The following SEC63 variants were observed in gnomAD, a reference collection of about 807,000 sequenced individuals.
SEC63 encodes the protein SEC63 protein translocation regulator.
Under a neutral mutation model 116.2 loss-of-function variants are expected in SEC63, and 56 were observed. The ratio of observed to expected loss-of-function variants is 0.48; its 90% CI spans 0.39 to 0.60. The LOEUF is 0.60. Among genes scored for constraint, SEC63 ranks in the 20% least tolerant of loss-of-function variants. The pLI is 0.00. For missense variants in SEC63, 668 were observed against 900.0 expected (o/e 0.74, Z 3.30); for synonymous variants, 273 against 294.6 (o/e 0.93, Z 0.75).
chr6:107,877,433 GTTT>G (rs778246846), intron 18 of SEC63: 1 of 151,912 alleles, frequency 6.6e-6, no homozygotes. Context: ...GAAAACGTGG[GTTT>G]TTTTGGTTTT....
intron 1 of SEC63, among the ~76,000 whole-genome samples, chr6:107,936,206 G>A (rs1263226533): frequency 6.6e-6 from 1 of 152,216 alleles, no homozygotes; most frequent in African/African-American, 2.4e-5. Flanking sequence ...CACAATGTGT[G>A]CATGGACCTT....
intron 19 of SEC63, among the ~76,000 whole-genome samples, chr6:107,876,312 C>A (rs533151253): frequency 6.6e-6 from 1 of 152,184 alleles, no homozygotes; most frequent in East Asian, 1.9e-4. Flanking sequence ...TTCTTAGACA[C>A]TAACAGTGAA....
At chr6:107,929,260 T>A (rs1787743848) in intron 2 of SEC63, among the ~76,000 whole-genome samples, 155 bp downstream of exon 2, 1 of 152,212 alleles carries the variant, frequency 6.6e-6, no homozygotes, top group African/African-American at 2.4e-5. Context: ...ACCAATCTGT[T>A]CAGACTGTTC....
chr6:107,918,205 T>C (rs1426134585), intron 4 of SEC63, among the ~76,000 whole-genome samples: 2 of 150,660 alleles, frequency 1.3e-5, no homozygotes, highest in Non-Finnish European at 2.9e-5. Flanking sequence ...GTTGACAGCA[T>C]GGATTACTGA....
Position 107,901,595 on chromosome 6 carries a change from T to A in SEC63, c.1210-78A>T, listed in dbSNP as rs186875276. On this transcript the variant is annotated intron_variant, in intron 12 of 20. Coordinates refer to ENST00000369002, the MANE Select transcript of SEC63 (RefSeq NM_007214.5). Reference sequence around the variant, plus strand: ...CATAAAAAGAAAATTACTCACATGTTAACCACAACAAAATCCAGCAACTTT... The same window carrying A: ...CATAAAAAGAAAATTACTCACATGTAAACCACAACAAAATCCAGCAACTTT... The A allele has an allele frequency of 9.6e-4, 999 of 1,043,866 alleles. 6 individuals are homozygous for A. The African/African-American group carries it at 0.015, about 15-fold the overall frequency. 64.7% of individuals were successfully genotyped at this position (1,043,866 alleles called of 1,614,324 possible). A position where few individuals can be genotyped will look rare whatever the true frequency, so the allele number is the denominator to read the frequency against.
intron 1 of SEC63, 89 bp downstream of exon 1, chr6:107,957,797 G>T: frequency 7.7e-7 from 1 of 1,293,474 alleles, no homozygotes. Context: ...CGGACGCCGC[G>T]GGCTGGGGCC....
intron 1 of SEC63, among the ~76,000 whole-genome samples, chr6:107,934,911 G>A (rs1176743149): frequency 3.2e-5 from 1 of 30,842 alleles, no homozygotes; most frequent in Admixed American, 3.5e-4. Context: ...TCAGCCCCCC[G>A]CCAGGCCAGC....
Position 107,882,871 on chromosome 6 carries a change from T to C in SEC63, c.1833+117A>G. ...GTAATAAAATTATAAAATATACAGA[T>C]ATTATTTAAAGAAAGCAAGCGAGCA... On this transcript the variant is annotated intron_variant, in intron 17 of 20. Transcript: ENST00000369002. The C allele has an allele frequency of 6.0e-6, 4 of 669,588 alleles. No individual in the cohort carries two copies. The South Asian group carries it at 7.3e-5, about 12-fold the overall frequency. 41.5% of individuals were successfully genotyped at this position (669,588 alleles called of 1,614,324 possible). A position where few individuals can be genotyped will look rare whatever the true frequency, so the allele number is the denominator to read the frequency against.
chr6:107,898,974 C>T (rs184048534), intron 13 of SEC63, among the ~76,000 whole-genome samples: 51 of 152,314 alleles, frequency 3.3e-4, no homozygotes, highest in Non-Finnish European at 4.7e-4. Context: ...TATGGTATCC[C>T]TTCTTCACCC....
intron 20 of SEC63, 93 bp downstream of exon 20, chr6:107,872,715 C>T (rs373132799): frequency 4.2e-5 from 33 of 787,634 alleles, no homozygotes; most frequent in East Asian, 4.1e-4. Flanking sequence ...TTTTTCCTTC[C>T]ATAACTCTAC....
chr6:107,871,872 C>T, intron 20 of SEC63, 25 bp from the exon 21 acceptor site: 1 of 1,611,866 alleles, frequency 6.2e-7, no homozygotes, highest in Non-Finnish European at 8.5e-7. Flanking sequence ...TAAATGTAGA[C>T]ATCAGAAATT....
At chr6:107,878,277 C>A (rs889816843) in intron 18 of SEC63, among the ~76,000 whole-genome samples, 2 of 152,126 alleles carry the variant, frequency 1.3e-5, no homozygotes, top group Non-Finnish European at 2.9e-5. Flanking sequence ...CTACTTCTGG[C>A]CATGTTGTAA....
At chr6:107,926,956 G>A (rs1034743490) in intron 2 of SEC63, among the ~76,000 whole-genome samples, 3 of 152,100 alleles carry the variant, frequency 2.0e-5, no homozygotes, top group African/African-American at 7.2e-5. Flanking sequence ...GAAACATAAC[G>A]GATCACATCA....
intron 16 of SEC63, among the ~76,000 whole-genome samples, chr6:107,887,515 G>GC (rs1175111668): frequency 1.4e-5 from 2 of 146,976 alleles, no homozygotes; most frequent in Non-Finnish European, 3.0e-5. Context: ...ACCAAACACC[G>GC]CATATTCTCA....
chr6:107,923,824 T>C (rs954615911), intron 3 of SEC63, among the ~76,000 whole-genome samples: 1 of 152,058 alleles, frequency 6.6e-6, no homozygotes, highest in African/African-American at 2.4e-5. Context: ...CTGGCTGATA[T>C]TAGTTCTTTC....
chr6:107,885,880 T>TA (rs1178928483), intron 16 of SEC63, among the ~76,000 whole-genome samples: 1 of 152,136 alleles, frequency 6.6e-6, no homozygotes, highest in Non-Finnish European at 1.5e-5. Context: ...AAATTATACT[T>TA]AAAGTTCTGG....
chr6:107,894,296 C>A (rs1200749661), intron 14 of SEC63, among the ~76,000 whole-genome samples: 2 of 151,984 alleles, frequency 1.3e-5, no homozygotes, highest in Non-Finnish European at 1.5e-5. Flanking sequence ...ATAACAACAA[C>A]AAAAAAACCC....
Position 107,923,986 on chromosome 6 carries a change from T to C in SEC63, c.339+832A>G, listed in dbSNP as rs558625405. Among the ~76,000 whole-genome samples the C allele has an allele frequency of 5.9e-5, 9 of 152,264 alleles. No individual in the cohort carries two copies. In the East Asian group the frequency reaches 9.7e-4, roughly 16 times the overall value. On this transcript the variant is annotated intron_variant, in intron 3 of 20. Transcript: ENST00000369002. ...CTCTCTTAAAAATATGCCTTTAGGC[T>C]GGGCACGGTGGCTCACGCCTGTAAT...
chr6:107,927,268 G>A (rs1209894081), intron 2 of SEC63, among the ~76,000 whole-genome samples: 1 of 152,072 alleles, frequency 6.6e-6, no homozygotes, highest in Non-Finnish European at 1.5e-5. Flanking sequence ...GTTTCACTAT[G>A]TTGGCCAGGC....
Sources: allele counts gnomAD v4.1 joint callset (sites outside exome capture counted in the v4.1 genomes callset), GRCh38; gene constraint gnomAD v4.1.1; transcripts MANE v1.5; gene names NCBI Gene and HGNC (gene_info 2026-07-23, HGNC 2026-07-21).